ABCB11: variants seen among roughly 807,000 people sequenced by gnomAD.
The protein encoded by ABCB11 is bile salt export pump.
ABCB11 carries 95 observed loss-of-function variants against 148.0 expected under a neutral mutation model. The ratio of observed to expected loss-of-function variants is 0.64; its 90% CI spans 0.54 to 0.76. ABCB11 has a LOEUF of 0.76. ABCB11 is among the 30% of genes least tolerant of loss of function. ABCB11 has a pLI of 0.00. For missense variants in ABCB11, 1,523 were observed against 1,617.8 expected, an observed-to-expected ratio of 0.94 and a Z score of 1.01; for synonymous variants, 591 against 555.4, an observed-to-expected ratio of 1.06 and a Z score of -0.90.
intron 19 of ABCB11, among the ~76,000 whole-genome samples, chr2:168,955,196 GC>G (rs1378038243): frequency 2.6e-5 from 4 of 151,410 alleles, no homozygotes; most frequent in Admixed American, 2.6e-4. Context: ...GATTTCTCTT[GC>G]ATTTTACTAT....
intron 18 of ABCB11, among the ~76,000 whole-genome samples, chr2:168,963,081 A>G (rs1473218571): frequency 2.6e-5 from 4 of 151,886 alleles, no homozygotes; most frequent in Non-Finnish European, 5.9e-5. Flanking sequence ...ATTACTGCCT[A>G]GTGGATTCAC....
intron 5 of ABCB11, among the ~76,000 whole-genome samples, chr2:169,002,950 A>T (rs943393803): frequency 3.3e-5 from 5 of 152,150 alleles, no homozygotes; most frequent in Admixed American, 6.5e-5. Context: ...TATTATTTTT[A>T]AAAAATTTTA....
chr2:168,933,292 T>C (rs1001984715), intron 23 of ABCB11, among the ~76,000 whole-genome samples: 1 of 152,204 alleles, frequency 6.6e-6, no homozygotes, highest in African/African-American at 2.4e-5. Flanking sequence ...GCATCATTTT[T>C]GCACCAGGCA....
Position 168,969,501 on chromosome 2 carries a change from G to C in ABCB11, c.1860C>G (p.Val620=). 6.2e-7 allele frequency: 1 copy of C among 1,612,506 alleles called. No individual in the cohort carries two copies. Residue 620 remains valine, a synonymous_variant, in exon 16 of 28, where the codon GTC becomes GTG. Coordinates refer to ENST00000650372, the MANE Select transcript of ABCB11 (RefSeq NM_003742.4). ...AACCAATGATGGTATCTGCAGCTCTGACCGTAGACAAGCGATGAGCAACTG... is the reference window on the plus strand; with the variant it reads ...AACCAATGATGGTATCTGCAGCTCTCACCGTAGACAAGCGATGAGCAACTG... ...IISVAHRLST[V]RAADTIIGFE...
rs2105873023 is a variant in ABCB11 at position 168,923,574 on chromosome 2, A to C, written c.*48T>G. The stretch of plus-strand genomic sequence containing the variant: ...TGGGATTGTTTTTTTCTTTAAAAAC[A>C]ACCCCTGTAACTGGTGCGTCATGTG... On this transcript the variant is annotated 3_prime_UTR_variant, in exon 28 of 28. Coordinates refer to ENST00000650372, the MANE Select transcript of ABCB11 (RefSeq NM_003742.4). 622 of 1,573,476 alleles carry C rather than the reference A, an allele frequency of 4.0e-4. No homozygotes were observed. Among genetic ancestry groups the C allele is most frequent in the Non-Finnish European group, 4.9e-4 (565 of 1,144,446 alleles).
At chr2:168,946,878 TA>T (rs908485504) in intron 19 of ABCB11, among the ~76,000 whole-genome samples, 1 of 151,732 alleles carries the variant, frequency 6.6e-6, no homozygotes, top group Non-Finnish European at 1.5e-5. Flanking sequence ...TTCTCAGTGT[TA>T]AAAAAAGAAA....
chr2:168,915,624 T>C (rs1169229192), exon 3 of ABCB11, among the ~76,000 whole-genome samples: 1 of 152,216 alleles, frequency 6.6e-6, no homozygotes, highest in Non-Finnish European at 1.5e-5. Flanking sequence ...AGGCTGAATA[T>C]CTTCCTGCTC....
chr2:168,925,739 G>T (rs994022306), intron 26 of ABCB11, among the ~76,000 whole-genome samples: 1 of 152,150 alleles, frequency 6.6e-6, no homozygotes, highest in Non-Finnish European at 1.5e-5. Context: ...TTTAAGCCAG[G>T]TGAGACCCAT....
intron 9 of ABCB11, among the ~76,000 whole-genome samples, chr2:168,989,587 T>C (rs747694734): frequency 6.6e-6 from 1 of 152,140 alleles, no homozygotes; most frequent in African/African-American, 2.4e-5. Context: ...TCAGGTAACG[T>C]GATGCCTCCA....
chr2:169,023,602 T>C (rs1347058736), intron 1 of ABCB11, among the ~76,000 whole-genome samples: 1 of 152,244 alleles, frequency 6.6e-6, no homozygotes, highest in East Asian at 1.9e-4. Flanking sequence ...TGAATTGGCA[T>C]GGATAAATCT....
chr2:169,030,035 C>T (rs1160763660), intron 1 of ABCB11, among the ~76,000 whole-genome samples: 1 of 121,488 alleles, frequency 8.2e-6, no homozygotes, highest in Non-Finnish European at 1.8e-5. Context: ...CCACCGCGCC[C>T]GGCCAGTTCT....
intron 17 of ABCB11, among the ~76,000 whole-genome samples, chr2:168,966,971 G>C (rs1693346594): frequency 6.6e-6 from 1 of 151,826 alleles, no homozygotes; most frequent in African/African-American, 2.4e-5. Flanking sequence ...ATAATAAACT[G>C]CAAATAAACT....
chr2:168,955,431 A>C (rs1692746022), intron 19 of ABCB11, among the ~76,000 whole-genome samples: 1 of 151,622 alleles, frequency 6.6e-6, no homozygotes, highest in Admixed American at 6.6e-5. Flanking sequence ...ATATGACCAA[A>C]GCAGGAGGAA....
At chr2:168,979,672 CAAAAAAAAAAAAA>C (rs55859131) in intron 11 of ABCB11, among the ~76,000 whole-genome samples, 181 bp downstream of exon 11, 55 of 100,136 alleles carry the variant, frequency 5.5e-4, no homozygotes, top group African/African-American at 6.5e-4. Context: ...AACTCCATCT[CAAAAAAAAAAAAA>C]AAAAAAAAAA....
Position 169,013,352 on chromosome 2 carries a change from T to C in ABCB11, c.309A>G (p.Pro103=). The stretch of plus-strand genomic sequence containing the variant: ...TGGTGTTATTCACACATGCTTTTCC[T>C]GGAATCTGGAGTTCTTGTAACTCAA... ...YDVELQELQI[P]GKACVNNTIV... Residue 103 remains proline, a synonymous_variant, in exon 5 of 28, where the codon CCA becomes CCG. Transcript: ENST00000650372. 6.2e-7 allele frequency: 1 copy of C among 1,613,862 alleles called. No homozygotes were observed. The highest frequency in any genetic ancestry group is 8.5e-7 in the Non-Finnish European group (1 of 1,179,772).
Position 168,973,853 on chromosome 2 carries a change from G to T in ABCB11, c.1309-13C>A. The T allele has an allele frequency of 6.2e-7, 1 of 1,609,760 alleles. No homozygotes were observed. Among genetic ancestry groups the T allele is most frequent in the Non-Finnish European group, 8.5e-7 (1 of 1,177,026 alleles). The stretch of plus-strand genomic sequence containing the variant: ...GGTCATTTAGAATCTGGAGAAGAAA[G>T]AAAACAGCAAAGTTCAGATTGTCAC... On this transcript the variant is annotated splice_polypyrimidine_tract_variant and intron_variant, in intron 12 of 27. Transcript: ENST00000650372.
chr2:168,990,808 C>A lies in ABCB11; in HGVS notation c.901G>T (p.Val301Phe). The change falls in exon 9 of 28, where the codon GTT becomes TTT. Residue 301 changes from valine to phenylalanine, a missense_variant. Transcript: ENST00000650372. The part of the protein sequence containing the change: ...VAAFGGEKRE[V>F]ERYEKNLVFA... ...AGATTCCAATTAACCAACCTTTCAA[C>A]CTCTCTTTTCTCACCACCAAAAGCA... 1.2e-6 allele frequency: 2 copies of A among 1,612,824 alleles called. No individual in the cohort carries two copies. The highest frequency in any genetic ancestry group is 1.7e-6 in the Non-Finnish European group (2 of 1,179,148).
intron 1 of ABCB11, among the ~76,000 whole-genome samples, chr2:169,027,571 G>T (rs897775750): frequency 4.6e-5 from 7 of 152,200 alleles, no homozygotes; most frequent in Non-Finnish European, 1.0e-4. Flanking sequence ...CACTGCTGGG[G>T]AGGAGGGGAT....
chr2:168,942,375 G>A (rs571530409), intron 21 of ABCB11, among the ~76,000 whole-genome samples: 4 of 151,666 alleles, frequency 2.6e-5, no homozygotes, highest in Non-Finnish European at 4.4e-5. Context: ...GTTAAAATGA[G>A]TGTAAAATGT....
Sources: allele counts gnomAD v4.1 joint callset (sites outside exome capture counted in the v4.1 genomes callset), GRCh38; gene constraint gnomAD v4.1.1; transcripts MANE v1.5; gene names NCBI Gene and HGNC (gene_info 2026-07-23, HGNC 2026-07-21).